The following WDR25 variants were observed in gnomAD, a reference collection of about 807,000 sequenced individuals.
The protein encoded by WDR25 is WD repeat-containing protein 25.
WDR25 carries 35 observed loss-of-function variants against 47.7 expected under a neutral mutation model. That is an observed-to-expected ratio of 0.73 (90% CI 0.56 to 0.97). The LOEUF (loss-of-function observed/expected upper bound fraction) is 0.97, where lower values mean the gene tolerates loss of function less well. Among genes scored for constraint, WDR25 ranks in the 50% least tolerant of loss-of-function variants. The probability of loss-of-function intolerance (pLI) is 0.00; values close to 1 mark genes in which losing one functional copy is unlikely to be tolerated. For missense variants in WDR25, 634 were observed against 704.7 expected (o/e 0.90, Z 1.14); for synonymous variants, 248 against 278.9 (o/e 0.89, Z 1.10).
rs199557835 is a variant in WDR25 at position 100,528,827 on chromosome 14, C to T, written c.1273-241C>T. Among the ~76,000 whole-genome samples the T allele has an allele frequency of 3.9e-5, 6 of 152,208 alleles. No homozygotes were observed. The East Asian group carries it at 5.8e-4, about 15-fold the overall frequency. On this transcript the variant is annotated intron_variant, in intron 5 of 6. Coordinates refer to ENST00000402312, the MANE Select transcript of WDR25 (RefSeq NM_001161476.3). ...CCCCTCCAGCCTCCAGAAAGAAGTG[C>T]GGCTCCGCCAACATCTTGACTTCAG... is the stretch of plus-strand genomic sequence containing the variant.
chr14:100,462,836 C>A (rs746322538), intron 2 of WDR25, among the ~76,000 whole-genome samples: 6 of 128,580 alleles, frequency 4.7e-5, no homozygotes, highest in Non-Finnish European at 8.3e-5. Context: ...CCTCCCTTCT[C>A]TTCTCTTCTT....
In WDR25 at chr14:100,459,231, G is replaced by T. The variant is rs137922916; in HGVS notation, c.823-8790G>T. Among the ~76,000 whole-genome samples the T allele has an allele frequency of 4.8e-3, 735 of 152,250 alleles. 18 individuals are homozygous for T. The highest frequency in any genetic ancestry group is 0.039 in the Admixed American group (602 of 15,302). On this transcript the variant is annotated intron_variant, in intron 2 of 6. Coordinates refer to ENST00000402312, the MANE Select transcript of WDR25 (RefSeq NM_001161476.3). ...CTGCAGACATTTGAAAGACACTAAG[G>T]TAATGTTATGACCACCTTTATGCCA...
At chr14:100,514,226 G>A (rs967962931) in intron 4 of WDR25, among the ~76,000 whole-genome samples, 3 of 152,058 alleles carry the variant, frequency 2.0e-5, no homozygotes, top group Non-Finnish European at 2.9e-5. Context: ...GTGAGCCACC[G>A]CGCCCGGCCC....
intron 4 of WDR25, among the ~76,000 whole-genome samples, chr14:100,509,382 T>C (rs1901224768): frequency 1.3e-5 from 2 of 152,210 alleles, no homozygotes; most frequent in Non-Finnish European, 2.9e-5. Flanking sequence ...ACTTTATTTT[T>C]TAATGGCTGG....
In WDR25 at chr14:100,468,783, G is replaced by A. The variant is rs1188119616; in HGVS notation, c.970+615G>A. On this transcript the variant is annotated intron_variant, in intron 3 of 6. Transcript: ENST00000402312. The surrounding 1 kb of genome is among the most constrained non-coding windows in gnomAD (Gnocchi z 4.5). ...CACCGCAGCCACAGCCCCCAGGTGGGCTCTCTCCGGGGTTTACAGTGAGGA... is the reference window on the plus strand; with the variant it reads ...CACCGCAGCCACAGCCCCCAGGTGGACTCTCTCCGGGGTTTACAGTGAGGA... Among the ~76,000 whole-genome samples the A allele has an allele frequency of 6.6e-6, 1 of 151,952 alleles. No individual in the cohort carries two copies. Among genetic ancestry groups the A allele is most frequent in the East Asian group, 1.9e-4 (1 of 5,146 alleles).
chr14:100,421,376 G>C (rs538461535), intron 2 of WDR25, among the ~76,000 whole-genome samples: 5 of 152,214 alleles, frequency 3.3e-5, no homozygotes, highest in Admixed American at 2.6e-4. Flanking sequence ...GCAGCAGGGG[G>C]TTGTGAGCCA....
Position 100,530,280 on chromosome 14 carries a change from C to T in WDR25, c.*239C>T. 1 of 550,036 alleles carries T rather than the reference C, an allele frequency of 1.8e-6. No individual in the cohort carries two copies. Among genetic ancestry groups the T allele is most frequent in the Non-Finnish European group, 3.2e-6 (1 of 310,928 alleles). The allele number at this position is 550,036 out of a possible 1,614,324, so 34.1% of individuals were successfully genotyped here. A position where few individuals can be genotyped will look rare whatever the true frequency, so the allele number is the denominator to read the frequency against. On this transcript the variant is annotated 3_prime_UTR_variant, in exon 7 of 7. Coordinates refer to ENST00000402312, the MANE Select transcript of WDR25 (RefSeq NM_001161476.3). Reference sequence around the variant, plus strand: ...CGATGCCCAATAAATGTGTGTTTTGCTGTTTGTTAAGTGATTTCAGCAACA... The same window carrying T: ...CGATGCCCAATAAATGTGTGTTTTGTTGTTTGTTAAGTGATTTCAGCAACA...
chr14:100,503,192 A>T (rs1660778378), intron 4 of WDR25, among the ~76,000 whole-genome samples: 2 of 152,008 alleles, frequency 1.3e-5, no homozygotes. Context: ...GAACACCCCA[A>T]GGGAGGCTTT....
chr14:100,496,828 CTTT>C (rs1226765543), intron 4 of WDR25, among the ~76,000 whole-genome samples: 2,416 of 73,202 alleles, frequency 0.033, 37 homozygotes, highest in African/African-American at 0.11. Flanking sequence ...TTCTTTAATT[CTTT>C]TTTTTTTTTT....
intron 4 of WDR25, among the ~76,000 whole-genome samples, chr14:100,516,546 T>C (rs1345653140): frequency 6.6e-6 from 1 of 152,236 alleles, no homozygotes; most frequent in Non-Finnish European, 1.5e-5. Flanking sequence ...TGAAAGTCTG[T>C]TATTAGGTAT....
At chr14:100,414,137 A>C (rs775102768) in intron 2 of WDR25, among the ~76,000 whole-genome samples, 1 of 151,384 alleles carries the variant, frequency 6.6e-6, no homozygotes, top group Non-Finnish European at 1.5e-5. Context: ...CTGGGACTAC[A>C]GGCGTGCACC....
chr14:100,456,615 A>C (rs991707945), intron 2 of WDR25, among the ~76,000 whole-genome samples: 1 of 152,270 alleles, frequency 6.6e-6, no homozygotes, highest in African/African-American at 2.4e-5. Flanking sequence ...TGAAAAACAC[A>C]GTACATGGAA....
chr14:100,429,164 T>G (rs562621524), intron 2 of WDR25, among the ~76,000 whole-genome samples: 2 of 152,340 alleles, frequency 1.3e-5, no homozygotes, highest in African/African-American at 4.8e-5. Flanking sequence ...GTGCTCAAAG[T>G]GCTGAGTGAC....
intron 3 of WDR25, among the ~76,000 whole-genome samples, chr14:100,476,794 G>C (rs1900032315): frequency 6.6e-6 from 1 of 152,168 alleles, no homozygotes; most frequent in African/African-American, 2.4e-5. Context: ...GATAAATGTT[G>C]TTCCCCTTCC....
intron 4 of WDR25, among the ~76,000 whole-genome samples, chr14:100,505,870 G>T (rs1263435214): frequency 6.6e-6 from 1 of 151,874 alleles, no homozygotes; most frequent in Non-Finnish European, 1.5e-5. Context: ...CCAGTTGTTT[G>T]GTATTAGTAT....
Position 100,385,893 on chromosome 14 carries a change from A to G in WDR25, c.822+4147A>G, listed in dbSNP as rs111879504. ...ATGTACGTGGCCTGCGTTAACCAAA[A>G]ACACAACCAGCCGTTATTGAATGCT... On this transcript the variant is annotated intron_variant, in intron 2 of 6. Transcript: ENST00000402312. Among the ~76,000 whole-genome samples, 1,485 of 152,264 alleles carry G rather than the reference A, an allele frequency of 9.8e-3. 33 individuals are homozygous for G. The highest frequency in any genetic ancestry group is 0.034 in the African/African-American group (1,415 of 41,546).
chr14:100,411,199 T>G (rs1009188997), intron 2 of WDR25, among the ~76,000 whole-genome samples: 7 of 152,164 alleles, frequency 4.6e-5, no homozygotes, highest in Admixed American at 1.3e-4. Context: ...GAAGGCCATG[T>G]TGCTTTGTGC....
rs1014321146 is a variant in WDR25, at chr14:100,484,903, G to A, written c.1101+779G>A. ...CTTGGAGGCTGTTCTCAACACAGCC[G>A]CTAGACTGGTCTGTTACAGTGTGAC... On this transcript the variant is annotated intron_variant, in intron 4 of 6. Coordinates refer to ENST00000402312, the MANE Select transcript of WDR25 (RefSeq NM_001161476.3). Among the ~76,000 whole-genome samples, 8 of 152,236 alleles carry A rather than the reference G, an allele frequency of 5.3e-5. No homozygotes were observed. The South Asian group carries it at 1.7e-3, about 32-fold the overall frequency.
At chr14:100,460,303 G>A (rs969662604) in intron 2 of WDR25, among the ~76,000 whole-genome samples, 1 of 151,800 alleles carries the variant, frequency 6.6e-6, no homozygotes, top group South Asian at 2.1e-4. Flanking sequence ...TAGTAGAGAC[G>A]GGGTTTCACT....
Sources: allele counts gnomAD v4.1 joint callset (sites outside exome capture counted in the v4.1 genomes callset), GRCh38; gene constraint gnomAD v4.1.1; non-coding constraint Gnocchi (gnomAD v3.1); transcripts MANE v1.5; gene names NCBI Gene and HGNC (gene_info 2026-07-23, HGNC 2026-07-21).